Variants in GPR161 observed in about 807,000 individuals in gnomAD.
GPR161 encodes the protein G protein-coupled receptor 161, also known as G-protein coupled receptor RE2.
Under a neutral mutation model 39.2 loss-of-function variants are expected in GPR161, and 25 were observed. That is an observed-to-expected ratio of 0.64 (90% CI 0.47 to 0.89). The LOEUF is 0.89. Ranked by LOEUF, GPR161 falls within the 40% of genes least tolerant of loss-of-function variation. The probability of loss-of-function intolerance (pLI) is 0.00; values close to 1 mark genes in which losing one functional copy is unlikely to be tolerated. For missense variants in GPR161, 547 were observed against 677.8 expected (o/e 0.81, Z 2.14); for synonymous variants, 286 against 276.6 (o/e 1.03, Z -0.34).
At position 168,132,356 on chromosome 1, in the gene GPR161, G is replaced by A. The variant is rs376264769; in HGVS notation, c.-45+4383C>T. ...TAATCCCAGCACTTTGGGAGGTCGA[G>A]GCGGGCGGATCACGAGGTCAGGAGA... On this transcript the variant is annotated intron_variant, in intron 1 of 5. Transcript: ENST00000682931. 6.6e-5 allele frequency among the ~76,000 whole-genome samples: 10 copies of A among 152,102 alleles called. No individual in the cohort carries two copies. The East Asian group carries it at 1.2e-3, about 18-fold the overall frequency.
Position 168,116,468 on chromosome 1 carries a change from G to A in GPR161, c.-44-11574C>T, listed in dbSNP as rs373662209. 1.3e-4 allele frequency among the ~76,000 whole-genome samples: 20 copies of A among 152,302 alleles called. No homozygotes were observed. In the South Asian group the frequency reaches 1.5e-3, roughly 11 times the overall value. On this transcript the variant is annotated intron_variant, in intron 1 of 5. Coordinates refer to ENST00000682931, the MANE Select transcript of GPR161 (RefSeq NM_001375883.1). ...ACACACATCAGTCACTAACTGGGGC[G>A]GGGTGTGTGGTGGGGGTAGGGTTGG...
At position 168,080,949 on chromosome 1, in the gene GPR161, C is replaced by T. The variant is rs533501683; in HGVS notation, c.*4582G>A. 6.5e-6 allele frequency: 1 copy of T among 153,038 alleles called. No homozygotes were observed. The highest frequency in any genetic ancestry group is 1.9e-4 in the East Asian group (1 of 5,196). 9.5% of individuals were successfully genotyped at this position (153,038 alleles called of 1,614,324 possible). A position where few individuals can be genotyped will look rare whatever the true frequency, so the allele number is the denominator to read the frequency against. ...GCGCGATCTCGGCTCACTGCAACCT[C>T]CGCCTCCTGGGTTTAAGTGATTCTC... On this transcript the variant is annotated 3_prime_UTR_variant, in exon 6 of 6. Coordinates refer to ENST00000682931, the MANE Select transcript of GPR161 (RefSeq NM_001375883.1).
chr1:168,095,855 C>T (rs1301772010), intron 3 of GPR161, among the ~76,000 whole-genome samples: 5 of 152,128 alleles, frequency 3.3e-5, no homozygotes. Flanking sequence ...ATACTCCAGG[C>T]CTGGCATGGT....
chr1:168,095,417 A>T (rs1695431268), intron 3 of GPR161, among the ~76,000 whole-genome samples: 2 of 152,186 alleles, frequency 1.3e-5, no homozygotes, highest in South Asian at 4.1e-4. Context: ...GTGTGTGGGA[A>T]TTCTCTGTAT....
chr1:168,135,056 G>A lies in GPR161; in HGVS notation c.-45+1683C>T, dbSNP rs116775062. 2.1e-3 allele frequency: 3,119 copies of A among 1,499,092 alleles called. 57 individuals are homozygous for A. In the African/African-American group the frequency reaches 0.037, roughly 18 times the overall value. The allele number at this position is 1,499,092 out of a possible 1,614,324, so 92.9% of individuals were successfully genotyped here. ...ACCAGGCTGCAACACAAAGAGAACG[G>A]TTCGGATATCGTTGCGGCCTTGGAT... On this transcript the variant is annotated intron_variant, in intron 1 of 5. Coordinates refer to ENST00000682931, the MANE Select transcript of GPR161 (RefSeq NM_001375883.1).
chr1:168,113,028 G>C (rs767305099), intron 1 of GPR161, among the ~76,000 whole-genome samples: 5 of 152,132 alleles, frequency 3.3e-5, no homozygotes. Context: ...AGTAGCGAAG[G>C]CACAAGCCCC....
chr1:168,125,328 A>G (rs1698501857), intron 1 of GPR161, among the ~76,000 whole-genome samples: 1 of 152,224 alleles, frequency 6.6e-6, no homozygotes, highest in Non-Finnish European at 1.5e-5. Context: ...CCCTTGAAAT[A>G]GTCTAGGTCC....
intron 4 of GPR161, 113 bp downstream of exon 4, chr1:168,090,451 T>G: frequency 1.9e-5 from 11 of 573,406 alleles, no homozygotes; most frequent in Admixed American, 3.1e-5. Context: ...CCACCCACCG[T>G]GGGAAATGCC....
At position 168,084,785 on chromosome 1, in the gene GPR161, G is replaced by C. The variant is rs1344276402; in HGVS notation, c.*746C>G. ...TAAATGGATTTTTTTTTTAATTCTG[G>C]AAATGAAACACCTAGTACCTGCCCT... On this transcript the variant is annotated 3_prime_UTR_variant, in exon 6 of 6. Transcript: ENST00000682931. 1 of 451,140 alleles carries C rather than the reference G, an allele frequency of 2.2e-6. No homozygotes were observed. The highest frequency in any genetic ancestry group is 4.4e-6 in the Non-Finnish European group (1 of 225,734). The allele number at this position is 451,140 out of a possible 1,614,324, so 27.9% of individuals were successfully genotyped here. A position where few individuals can be genotyped will look rare whatever the true frequency, so the allele number is the denominator to read the frequency against.
intron 1 of GPR161, among the ~76,000 whole-genome samples, chr1:168,105,396 A>G (rs1364876192): frequency 6.6e-6 from 1 of 152,154 alleles, no homozygotes; most frequent in Non-Finnish European, 1.5e-5. Context: ...CAGCAGGATC[A>G]CCATCACCTG....
intron 1 of GPR161, chr1:168,135,158 G>A: frequency 1.6e-6 from 2 of 1,242,240 alleles, no homozygotes; most frequent in Non-Finnish European, 2.1e-6. Context: ...CTACAGGGCA[G>A]GGAGAAGCCC....
At chr1:168,121,833 C>A (rs542058816) in intron 1 of GPR161, among the ~76,000 whole-genome samples, 1 of 152,336 alleles carries the variant, frequency 6.6e-6, no homozygotes, top group East Asian at 1.9e-4. Context: ...CCTTCCAGAG[C>A]AGGCTTGAGG....
rs1032627132 is a variant in GPR161 at position 168,119,836 on chromosome 1, G to A, written c.-44-14942C>T. ...AGCCCCAAGCCGTGGCAGCTTCCAC[G>A]TAGTGTTGGGCCTGCAGGTACACAG... is the stretch of plus-strand genomic sequence containing the variant. On this transcript the variant is annotated intron_variant, in intron 1 of 5. Coordinates refer to ENST00000682931, the MANE Select transcript of GPR161 (RefSeq NM_001375883.1). 6.6e-5 allele frequency among the ~76,000 whole-genome samples: 10 copies of A among 152,046 alleles called. No homozygotes were observed. The East Asian group carries it at 8.0e-4, about 12-fold the overall frequency.
chr1:168,136,059 GT>G, intron 1 of GPR161: 1 of 1,252,554 alleles, frequency 8.0e-7, no homozygotes, highest in Non-Finnish European at 1.0e-6. Context: ...TTGCACGGGG[GT>G]TAAGCTTGGC....
At chr1:168,094,275 A>AT (rs3835595) in intron 3 of GPR161, among the ~76,000 whole-genome samples, 9,584 of 150,470 alleles carry the variant, frequency 0.064, 354 homozygotes, top group Middle Eastern at 0.13. Context: ...GAAAACATCT[A>AT]TTTTTTTTTG....
chr1:168,124,375 A>T (rs756168859), intron 1 of GPR161, among the ~76,000 whole-genome samples: 13 of 152,230 alleles, frequency 8.5e-5, no homozygotes, highest in Admixed American at 2.6e-4. Context: ...TAAACTACCC[A>T]AACTCTTTAA....
At chr1:168,120,165 G>T (rs1296453065) in intron 1 of GPR161, among the ~76,000 whole-genome samples, 3 of 152,244 alleles carry the variant, frequency 2.0e-5, no homozygotes, top group African/African-American at 4.8e-5. Context: ...CACAGAGGCT[G>T]TACCCTGAAG....
In GPR161 at chr1:168,104,755, G is replaced by T; in HGVS notation, c.96C>A (p.Ile32=). 6.2e-7 allele frequency: 1 copy of T among 1,614,020 alleles called. No homozygotes were observed. Among genetic ancestry groups the T allele is most frequent in the Non-Finnish European group, 8.5e-7 (1 of 1,179,996 alleles). Residue 32 remains isoleucine, a synonymous_variant, in exon 2 of 6, where the codon ATC becomes ATA. Coordinates refer to ENST00000682931, the MANE Select transcript of GPR161 (RefSeq NM_001375883.1). ...CAAAAATGGTGATGACAATGATGGC[G>T]ATGAACTGGGTGATGATGACGCCCC... is the stretch of plus-strand genomic sequence containing the variant. ...GEGGVIITQF[I]AIIVITIFVC... is the part of the protein sequence containing the mutation.
intron 2 of GPR161, among the ~76,000 whole-genome samples, chr1:168,103,427 GAAAA>G (rs373919071): frequency 8.5e-6 from 1 of 117,326 alleles, no homozygotes. Flanking sequence ...ACTACTCAGG[GAAAA>G]AAAAAAAAAA....
Sources: gnomAD v4.1 joint callset for allele counts (sites outside exome capture counted in the v4.1 genomes callset) on GRCh38, gnomAD v4.1.1 for gene constraint, MANE v1.5 for transcripts, NCBI Gene and HGNC (gene_info 2026-07-23, HGNC 2026-07-21) for gene names.